The following RMDN3 variants were observed in gnomAD, a reference collection of about 807,000 sequenced individuals.
RMDN3 encodes regulator of microtubule dynamics protein 3.
Under a neutral mutation model 61.8 loss-of-function variants are expected in RMDN3, and 41 were observed. That is an observed-to-expected ratio of 0.66 (90% confidence interval 0.52 to 0.86). RMDN3 has a LOEUF of 0.86. Ranked by LOEUF, RMDN3 falls within the 40% of genes least tolerant of loss-of-function variation. The pLI, the probability that RMDN3 is intolerant of heterozygous loss-of-function variation, is 0.00. For missense variants in RMDN3, 557 were observed against 585.3 expected (o/e 0.95, Z 0.50); for synonymous variants, 247 against 232.0 (o/e 1.06, Z -0.59).
rs1897044593 is a variant in RMDN3 at position 40,736,395 on chromosome 15, C to T, written c.*146G>A. 2.9e-6 allele frequency: 2 copies of T among 678,330 alleles called. No homozygotes were observed. Among genetic ancestry groups the T allele is most frequent in the East Asian group, 5.3e-5 (2 of 37,698 alleles). The allele number at this position is 678,330 out of a possible 1,614,324, so 42.0% of individuals were successfully genotyped here. The stretch of plus-strand genomic sequence containing the variant: ...TAGGTTAGAGGTTAGAATAAATTAA[C>T]TAATGGGGAGTGGTAGTGGGTAGCA... On this transcript the variant is annotated 3_prime_UTR_variant, in exon 13 of 13. Coordinates refer to ENST00000338376, the MANE Select transcript of RMDN3 (RefSeq NM_018145.3).
chr15:40,737,401 T>G, intron 10 of RMDN3, 60 bp from the exon 11 acceptor site: 1 of 1,494,310 alleles, frequency 6.7e-7, no homozygotes. Context: ...CAGGCTGAAG[T>G]TTATTAAACT....
At chr15:40,752,336 C>G (rs1897865576) in intron 2 of RMDN3, among the ~76,000 whole-genome samples, 158 bp from the exon 3 acceptor site, 1 of 152,170 alleles carries the variant, frequency 6.6e-6, no homozygotes, top group Admixed American at 6.5e-5. Flanking sequence ...TAACAAGTCT[C>G]AAGAAACTAC....
At chr15:40,741,121 C>A (rs1388841951) in intron 6 of RMDN3, among the ~76,000 whole-genome samples, 1 of 151,964 alleles carries the variant, frequency 6.6e-6, no homozygotes, top group Non-Finnish European at 1.5e-5. Context: ...AGAAATTGTC[C>A]CCAACAGACC....
Position 40,744,500 on chromosome 15 carries a change from T to TGGGG in RMDN3, c.808-355_808-352dup, listed in dbSNP as rs61645498. Among the ~76,000 whole-genome samples the TGGGG allele has an allele frequency of 1.0e-3, 136 of 131,388 alleles. 1 individual carries two copies. Among genetic ancestry groups the TGGGG allele is most frequent in the African/African-American group, 3.7e-3 (131 of 35,316 alleles). The allele number at this position is 131,388 out of a possible 152,430, so 86.2% of individuals were successfully genotyped here. On this transcript the variant is annotated intron_variant, in intron 5 of 12. Transcript: ENST00000338376. The stretch of plus-strand genomic sequence containing the variant: ...AAGGAAAAGGGAAACTTCTAACTTC[T>TGGGG]GGGGGGGGGGCATTTATACCTGGGT...
intron 1 of RMDN3, 76 bp downstream of exon 1, chr15:40,755,007 C>G: frequency 1.9e-6 from 1 of 514,660 alleles, no homozygotes; most frequent in Non-Finnish European, 3.5e-6. Flanking sequence ...TCTCACCCAG[C>G]CTGGACGTAG....
intron 6 of RMDN3, among the ~76,000 whole-genome samples, chr15:40,742,900 G>T (rs1346273982): frequency 6.6e-6 from 1 of 152,160 alleles, no homozygotes. Flanking sequence ...ACAAACTTTT[G>T]GAGAGAAAAA....
At position 40,744,212 on chromosome 15, in the gene RMDN3, G is replaced by T. The variant is rs117862109; in HGVS notation, c.808-63C>A. 9.7e-3 allele frequency: 14,414 copies of T among 1,482,900 alleles called. 580 individuals are homozygous for T. The East Asian group carries it at 0.12, about 12-fold the overall frequency. 91.9% of individuals were successfully genotyped at this position (1,482,900 alleles called of 1,614,324 possible). ...CTCAACTGTGGAGAATGGGGGCCTT[G>T]GCCTTCCCCCACACCCTAGGTTTGA... On this transcript the variant is annotated intron_variant, in intron 5 of 12. Transcript: ENST00000338376.
At position 40,736,154 on chromosome 15, in the gene RMDN3, T is replaced by C. The variant is rs1897031912; in HGVS notation, c.*387A>G. ...TCTTAAGACTATATGTACTGAGTCC[T>C]ATTAGTCAGTGAAAAAGATTAAAGT... is the stretch of plus-strand genomic sequence containing the variant. On this transcript the variant is annotated 3_prime_UTR_variant, in exon 13 of 13. Coordinates refer to ENST00000338376, the MANE Select transcript of RMDN3 (RefSeq NM_018145.3). 5.0e-6 allele frequency: 1 copy of C among 199,490 alleles called. No individual in the cohort carries two copies. Among genetic ancestry groups the C allele is most frequent in the Non-Finnish European group, 1.0e-5 (1 of 99,468 alleles). The allele number at this position is 199,490 out of a possible 1,614,324, so 12.4% of individuals were successfully genotyped here.
At chr15:40,750,981 G>A (rs1897796237) in intron 4 of RMDN3, among the ~76,000 whole-genome samples, 1 of 152,202 alleles carries the variant, frequency 6.6e-6, no homozygotes, top group South Asian at 2.1e-4. Context: ...CTGGGCCACT[G>A]AGAACTCAGG....
rs1294981526 is a variant in RMDN3 at position 40,751,800 on chromosome 15, T to A, written c.380+186A>T. On this transcript the variant is annotated intron_variant, in intron 3 of 12. Transcript: ENST00000338376. ...TTCAGCTGCTACAACAGATCAACCA[T>A]GAGAGTCCAGAAGCAGCAAGGAGCA... 6.1e-6 allele frequency: 5 copies of A among 813,366 alleles called. No homozygotes were observed. In the African/African-American group the frequency reaches 6.9e-5, roughly 11 times the overall value. The allele number at this position is 813,366 out of a possible 1,614,324, so 50.4% of individuals were successfully genotyped here.
Position 40,737,177 on chromosome 15 carries a change from C to T in RMDN3, c.1306G>A (p.Glu436Lys). The T allele has an allele frequency of 6.2e-7, 1 of 1,614,222 alleles. No homozygotes were observed. Among genetic ancestry groups the T allele is most frequent in the Non-Finnish European group, 8.5e-7 (1 of 1,180,038 alleles). ...KCYRELGKNSEARWWMKLALE... is the reference protein window; with the variant it reads ...KCYRELGKNSKARWWMKLALE... ...GCCAACTTCATCCACCATCTAGCTT[C>T]AGAGTTTTTCCCTAGTTCTCTGTAG... is the stretch of plus-strand genomic sequence containing the variant. The change falls in exon 12 of 13, where the codon GAA (glutamate) becomes AAA (lysine). Residue 436 changes from glutamate to lysine, a missense_variant. Coordinates refer to ENST00000338376, the MANE Select transcript of RMDN3 (RefSeq NM_018145.3).
intron 6 of RMDN3, 25 bp downstream of exon 6, chr15:40,744,021 TC>T (rs779676067): frequency 3.1e-6 from 5 of 1,587,984 alleles, no homozygotes; most frequent in Non-Finnish European, 4.3e-6. Context: ...TCAGTCACCT[TC>T]CCACAGGAAG....
At position 40,754,594 on chromosome 15, in the gene RMDN3, T is replaced by C. The variant is rs758423228; in HGVS notation, c.187+3A>G. On this transcript the variant is annotated splice_donor_region_variant and intron_variant, in intron 2 of 12. Coordinates refer to ENST00000338376, the MANE Select transcript of RMDN3 (RefSeq NM_018145.3). ...ACCGCGGTCTCAGGAGACGGGCTCC[T>C]ACCGTGGCGTCCGGGATCTGAAGTC... The C allele has an allele frequency of 1.9e-6, 3 of 1,609,714 alleles. No homozygotes were observed. The highest frequency in any genetic ancestry group is 3.3e-5 in the Admixed American group (2 of 59,710).
At chr15:40,739,775 G>A (rs540256627) in intron 7 of RMDN3, 241 of 216,214 alleles carry the variant, frequency 1.1e-3, no homozygotes, top group African/African-American at 4.9e-3. Context: ...GGGATCACAC[G>A]CAGGGGAAAG....
intron 2 of RMDN3, among the ~76,000 whole-genome samples, chr15:40,752,920 C>A (rs1256588896): frequency 1.3e-5 from 2 of 152,202 alleles, no homozygotes; most frequent in African/African-American, 2.4e-5. Flanking sequence ...TAAAGGAAAT[C>A]TGGTAAAAAA....
chr15:40,752,306 C>T (rs537710573), intron 2 of RMDN3, 128 bp from the exon 3 acceptor site: 9 of 883,972 alleles, frequency 1.0e-5, no homozygotes, highest in African/African-American at 1.7e-5. Flanking sequence ...AGATAGCACA[C>T]GTTCACAGCC....
At chr15:40,740,104 C>G (rs1024828880) in intron 7 of RMDN3, 29 bp downstream of exon 7, 1 of 1,529,370 alleles carries the variant, frequency 6.5e-7, no homozygotes, top group Non-Finnish European at 9.0e-7. Context: ...CTTGCTGGCT[C>G]TTCCCAGAAC....
chr15:40,744,499 C>CT (rs761778706), intron 5 of RMDN3, among the ~76,000 whole-genome samples: 24 of 142,276 alleles, frequency 1.7e-4, no homozygotes, highest in African/African-American at 2.7e-4. Flanking sequence ...CTTCTAACTT[C>CT]TGGGGGGGGG....
At chr15:40,751,067 G>A (rs372528828) in intron 4 of RMDN3, among the ~76,000 whole-genome samples, 2 of 152,204 alleles carry the variant, frequency 1.3e-5, no homozygotes, top group East Asian at 1.9e-4. Context: ...GACTCCCAGG[G>A]AGGAGCATGC....
Sources: gnomAD v4.1 joint callset for allele counts (sites outside exome capture counted in the v4.1 genomes callset) on GRCh38, gnomAD v4.1.1 for gene constraint, MANE v1.5 for transcripts, NCBI Gene and HGNC (gene_info 2026-07-23, HGNC 2026-07-21) for gene names.